The following CUX1 variants were observed in gnomAD, a reference collection of about 807,000 sequenced individuals.
The protein encoded by CUX1 is protein CASP.
CUX1 carries 31 observed loss-of-function variants against 158.8 expected under a neutral mutation model. The observed-to-expected ratio is 0.20, with a 90% CI of 0.15 to 0.26. CUX1 has a LOEUF of 0.26. Among genes scored for constraint, CUX1 ranks in the 10% least tolerant of loss-of-function variants. The pLI, the probability that CUX1 is intolerant of heterozygous loss-of-function variation, is 1.00. For missense variants in CUX1, 1,589 were observed against 2,014.6 expected (o/e 0.79, Z 4.04); for synonymous variants, 879 against 862.1 (o/e 1.02, Z -0.34).
At chr7:102,057,799 G>T (rs1824334062) in intron 3 of CUX1, among the ~76,000 whole-genome samples, 1 of 152,302 alleles carries the variant, frequency 6.6e-6, no homozygotes, top group African/African-American at 2.4e-5. Flanking sequence ...TGACAACAAA[G>T]GATTTAGAAT....
At chr7:102,017,573 G>A (rs1184058739) in intron 2 of CUX1, among the ~76,000 whole-genome samples, 2 of 152,134 alleles carry the variant, frequency 1.3e-5, no homozygotes, top group African/African-American at 4.8e-5. Context: ...GTGGGCCAGT[G>A]CGGTGGCTCA....
At chr7:101,910,269 C>T (rs1803268745) in intron 1 of CUX1, among the ~76,000 whole-genome samples, 1 of 152,102 alleles carries the variant, frequency 6.6e-6, no homozygotes, top group African/African-American at 2.4e-5. Context: ...GCCTTAGCCC[C>T]CCAAGTAGCT....
At chr7:102,166,794 T>G (rs781914548) in intron 9 of CUX1, among the ~76,000 whole-genome samples, 79 of 152,206 alleles carry the variant, frequency 5.2e-4, no homozygotes, top group Non-Finnish European at 9.7e-4. Context: ...AGTTTTGTAT[T>G]TTTTTTCGAC....
intron 20 of CUX1, among the ~76,000 whole-genome samples, chr7:102,210,242 G>A (rs1796387028): frequency 6.6e-6 from 1 of 152,120 alleles, no homozygotes; most frequent in South Asian, 2.1e-4. Context: ...GATTACAGGT[G>A]CCTGCCACCA....
chr7:101,845,752 T>TA (rs1795624223), intron 1 of CUX1, among the ~76,000 whole-genome samples: 1 of 152,184 alleles, frequency 6.6e-6, no homozygotes, highest in African/African-American at 2.4e-5. Flanking sequence ...CACAGAGGCT[T>TA]ATGCCTATAA....
chr7:101,826,850 C>T (rs1562892606), intron 1 of CUX1, among the ~76,000 whole-genome samples: 1 of 152,156 alleles, frequency 6.6e-6, no homozygotes, highest in Non-Finnish European at 1.5e-5. Context: ...GTACCCACCA[C>T]ACCATCGCCA....
rs1789890207 is a variant in CUX1, at chr7:102,256,304, G to A, written c.*7262G>A. 1.0e-6 allele frequency: 1 copy of A among 984,910 alleles called. No homozygotes were observed. The highest frequency in any genetic ancestry group is 1.2e-6 in the Non-Finnish European group (1 of 829,784). 61.0% of individuals were successfully genotyped at this position (984,910 alleles called of 1,614,324 possible). ...TGCGTGAGGGTGATTATAAAAGGAT[G>A]TTTCCTTGAGAAAAAAAAAATTATT... On this transcript the variant is annotated 3_prime_UTR_variant, in exon 24 of 24. Transcript: ENST00000292535.
rs1397937428 is a variant in CUX1, at chr7:102,253,753, A to G, written c.*4711A>G. 2 of 985,354 alleles carry G rather than the reference A, an allele frequency of 2.0e-6. No homozygotes were observed. Among genetic ancestry groups the G allele is most frequent in the East Asian group, 2.3e-4 (2 of 8,824 alleles). 61.0% of individuals were successfully genotyped at this position (985,354 alleles called of 1,614,324 possible). Reference sequence around the variant, plus strand: ...AAAGCCCATAGACCTTACTCATCCCAAGGCCGACAAGCCAGCTGTACAGGG... The same window carrying G: ...AAAGCCCATAGACCTTACTCATCCCGAGGCCGACAAGCCAGCTGTACAGGG... On this transcript the variant is annotated 3_prime_UTR_variant, in exon 24 of 24. Transcript: ENST00000292535.
chr7:102,020,480 A>G, intron 2 of CUX1, among the ~76,000 whole-genome samples: 1 of 152,234 alleles, frequency 6.6e-6, no homozygotes, highest in East Asian at 1.9e-4. Flanking sequence ...TTGATAAGGG[A>G]AACTTAACAG....
At chr7:102,204,689 C>T (rs369064507) in intron 19 of CUX1, 133 bp downstream of exon 19, 95 of 1,185,364 alleles carry the variant, frequency 8.0e-5, no homozygotes, top group East Asian at 5.3e-4. Context: ...CACTCCCCAC[C>T]GTGGGCTGGT....
intron 16 of CUX1, among the ~76,000 whole-genome samples, chr7:102,199,127 C>A (rs1422524629): frequency 6.6e-6 from 1 of 152,150 alleles, no homozygotes; most frequent in Non-Finnish European, 1.5e-5. Flanking sequence ...TCCCAGCCCA[C>A]TTCAGATCCT....
At chr7:102,042,556 C>T (rs1017207562) in intron 3 of CUX1, among the ~76,000 whole-genome samples, 1 of 152,160 alleles carries the variant, frequency 6.6e-6, no homozygotes, top group Non-Finnish European at 1.5e-5. Context: ...GTCACCTGAA[C>T]ATACTTTTTG....
At chr7:102,067,723 C>T (rs1825702564) in intron 3 of CUX1, among the ~76,000 whole-genome samples, 1 of 151,704 alleles carries the variant, frequency 6.6e-6, no homozygotes, top group Non-Finnish European at 1.5e-5. Context: ...ATTTTAAAAA[C>T]AAGGCATGGT....
intron 1 of CUX1, among the ~76,000 whole-genome samples, chr7:101,855,647 A>C (rs181793594): frequency 2.6e-5 from 4 of 152,278 alleles, no homozygotes; most frequent in Admixed American, 2.6e-4. Flanking sequence ...TGGGAGGTCA[A>C]GGCGGGTGGA....
chr7:101,896,080 G>A (rs975659038), intron 1 of CUX1, among the ~76,000 whole-genome samples: 1 of 151,334 alleles, frequency 6.6e-6, no homozygotes, highest in Admixed American at 6.6e-5. Context: ...TTATTTTTTC[G>A]AAGAGACAGG....
Position 102,234,176 on chromosome 7 carries a change from G to A in CUX1, c.3558G>A (p.Gln1186=), listed in dbSNP as rs892584131. Residue 1186 remains glutamine (Q), a synonymous_variant, in exon 22 of 24, where the codon CAG becomes CAA. Coordinates refer to ENST00000292535, the MANE Select transcript of CUX1 (RefSeq NM_181552.4). ...GACGAGAGCCCTTCGTCCGGATGCAGCTGTGGCTGAACGACCCCAACAATG... is the reference window on the plus strand; with the variant it reads ...GACGAGAGCCCTTCGTCCGGATGCAACTGTGGCTGAACGACCCCAACAATG... ...LKGREPFVRM[Q]LWLNDPNNVE... is the part of the protein sequence containing the mutation. 2 of 1,599,174 alleles carry A rather than the reference G, an allele frequency of 1.3e-6. No homozygotes were observed. Among genetic ancestry groups the A allele is most frequent in the African/African-American group, 2.7e-5 (2 of 74,078 alleles).
At chr7:102,010,510 GGGCC>G (rs1285028329) in intron 2 of CUX1, among the ~76,000 whole-genome samples, 2 of 151,976 alleles carry the variant, frequency 1.3e-5, no homozygotes, top group African/African-American at 4.8e-5. Flanking sequence ...ATTCGTGATT[GGGCC>G]TCTCTTTCAT....
intron 7 of CUX1, chr7:102,111,975 G>A: frequency 1.8e-6 from 1 of 552,812 alleles, no homozygotes; most frequent in African/African-American, 1.9e-5. Flanking sequence ...AGTTGTTAAT[G>A]TAGAGGTGGG....
At chr7:102,078,410 A>G (rs961884317) in intron 4 of CUX1, among the ~76,000 whole-genome samples, 3 of 152,168 alleles carry the variant, frequency 2.0e-5, no homozygotes, top group Non-Finnish European at 2.9e-5. Flanking sequence ...TCCTAGGTAG[A>G]AGAAAAAGAC....
Sources: gnomAD v4.1 joint callset for allele counts (sites outside exome capture counted in the v4.1 genomes callset) on GRCh38, gnomAD v4.1.1 for gene constraint, MANE v1.5 for transcripts, NCBI Gene and HGNC (gene_info 2026-07-23, HGNC 2026-07-21) for gene names.